TXLNA: variants seen among roughly 807,000 people sequenced by gnomAD.
TXLNA encodes alpha-taxilin.
TXLNA carries 9 observed loss-of-function variants against 61.4 expected under a neutral mutation model. The ratio of observed to expected loss-of-function variants is 0.15; its 90% CI spans 0.09 to 0.26. The LOEUF is 0.26. Ranked by LOEUF, TXLNA falls within the 10% of genes least tolerant of loss-of-function variation. The pLI is 1.00. For synonymous variants in TXLNA, 257 were observed against 267.7 expected, an observed-to-expected ratio of 0.96 and a Z score of 0.39; for missense variants, 565 against 688.8, an observed-to-expected ratio of 0.82 and a Z score of 2.01.
rs371704796 is a variant in TXLNA at position 32,181,525 on chromosome 1, C to T, written c.453C>T (p.Val151=). Residue 151 remains valine (V), a synonymous_variant, in exon 3 of 11, where the codon GTC becomes GTT. Coordinates refer to ENST00000373610, the MANE Select transcript of TXLNA (RefSeq NM_175852.4). ...NTEEIRQSDE[V]GDRDHRRPQE... is the part of the protein sequence containing the mutation. Reference sequence around the variant, plus strand: ...AAGAGATCCGGCAGAGTGACGAGGTCGGAGACCGAGACCATCGAAGGCCAC... The same window carrying T: ...AAGAGATCCGGCAGAGTGACGAGGTTGGAGACCGAGACCATCGAAGGCCAC... 1 of 1,590,458 alleles carries T rather than the reference C, an allele frequency of 6.3e-7. No individual in the cohort carries two copies. Among genetic ancestry groups the T allele is most frequent in the Admixed American group, 1.8e-5 (1 of 55,406 alleles).
At position 32,193,985 on chromosome 1, in the gene TXLNA, A is replaced by G. The variant is rs953373972; in HGVS notation, c.1252-80A>G. On this transcript the variant is annotated intron_variant, in intron 9 of 10. Transcript: ENST00000373610. ...CAATCATTCCCCACCTTGGAGACAC[A>G]GGTGCAGTCCCCACCTTGGAGACAC... The G allele has an allele frequency of 6.1e-6, 7 of 1,146,044 alleles. No homozygotes were observed. In the African/African-American group the frequency reaches 9.3e-5, roughly 15 times the overall value. 71.0% of individuals were successfully genotyped at this position (1,146,044 alleles called of 1,614,324 possible). A position where few individuals can be genotyped will look rare whatever the true frequency, so the allele number is the denominator to read the frequency against.
rs201914528 is a variant in TXLNA at position 32,195,032 on chromosome 1, A to G, written c.1478A>G (p.Gln493Arg). The G allele has an allele frequency of 1.9e-6, 3 of 1,614,178 alleles. No individual in the cohort carries two copies. In the African/African-American group the frequency reaches 4.0e-5, roughly 22 times the overall value. ...KRVQDLSAGG[Q>R]GSLTDSGPER... ...GTACAGGACCTGAGTGCTGGTGGCC[A>G]GGGCTCCCTCACTGACAGTGGCCCT... The change falls in exon 11 of 11, where the codon CAG becomes CGG. Residue 493 changes from glutamine to arginine, a missense_variant. Transcript: ENST00000373610.
rs758201855 is a variant in TXLNA, at chr1:32,181,539, A to G, written c.467A>G (p.His156Arg). The G allele has an allele frequency of 4.5e-6, 7 of 1,572,848 alleles. No homozygotes were observed. The highest frequency in any genetic ancestry group is 4.7e-5 in the East Asian group (2 of 42,952). Residue 156 changes from histidine (H) to arginine (R), a missense_variant, in exon 3 of 11, where the codon CAT (histidine) becomes CGT (arginine). This residue lies in a region of TXLNA where 373 missense variants were observed against 504.0 expected (regional missense o/e 0.74). Coordinates refer to ENST00000373610, the MANE Select transcript of TXLNA (RefSeq NM_175852.4). ...AGTGACGAGGTCGGAGACCGAGACCATCGAAGGCCACAGGAGAAGAAAAAA... is the reference window on the plus strand; with the variant it reads ...AGTGACGAGGTCGGAGACCGAGACCGTCGAAGGCCACAGGAGAAGAAAAAA... ...RQSDEVGDRD[H>R]RRPQEKKKAK...
intron 3 of TXLNA, among the ~76,000 whole-genome samples, chr1:32,182,377 T>G (rs1438171638): frequency 6.6e-6 from 1 of 152,010 alleles, no homozygotes; most frequent in Non-Finnish European, 1.5e-5. Flanking sequence ...TTTAAGAGTC[T>G]AGGCCGGGTG....
intron 3 of TXLNA, among the ~76,000 whole-genome samples, chr1:32,183,185 G>A (rs962412566): frequency 1.3e-5 from 2 of 151,438 alleles, no homozygotes; most frequent in African/African-American, 4.9e-5. Flanking sequence ...GTGCACTGGC[G>A]CGATCTCAGC....
chr1:32,183,152 C>A (rs1007168239), intron 3 of TXLNA, among the ~76,000 whole-genome samples: 5 of 151,852 alleles, frequency 3.3e-5, no homozygotes, highest in Admixed American at 1.3e-4. Context: ...GAGATGGAGT[C>A]TTGCTCTGTC....
At chr1:32,193,425 C>T (rs993431415) in intron 9 of TXLNA, 125 bp downstream of exon 9, 13 of 708,512 alleles carry the variant, frequency 1.8e-5, no homozygotes, top group Non-Finnish European at 2.5e-5. Context: ...GGAAGGTTCA[C>T]AGCCTTTCCC....
chr1:32,180,298 G>C lies in TXLNA; in HGVS notation c.-32-16G>C. On this transcript the variant is annotated splice_polypyrimidine_tract_variant and intron_variant, in intron 1 of 10. Transcript: ENST00000373610. ...TTTCGAAGTCTGGAAAATAGCAACT[G>C]TGTTTGTTTCTAAAGGATCTTCTCC... The C allele has an allele frequency of 6.5e-7, 1 of 1,549,610 alleles. No homozygotes were observed. Among genetic ancestry groups the C allele is most frequent in the African/African-American group, 1.4e-5 (1 of 72,212 alleles).
intron 4 of TXLNA, 105 bp from the exon 5 acceptor site, chr1:32,187,849 G>A: frequency 7.8e-7 from 1 of 1,283,954 alleles, no homozygotes. Flanking sequence ...TGGCCTGAGA[G>A]GGTAAGGGTC....
Position 32,197,971 on chromosome 1 carries a change from G to A in TXLNA, c.*2776G>A, listed in dbSNP as rs1569644024. 1.3e-5 allele frequency: 2 copies of A among 152,458 alleles called. No homozygotes were observed. Among genetic ancestry groups the A allele is most frequent in the East Asian group, 1.9e-4 (1 of 5,202 alleles). The allele number at this position is 152,458 out of a possible 1,614,324, so 9.4% of individuals were successfully genotyped here. ...CTGAGGGCTGACCCGGAGGCCAGTG[G>A]AGCTGCCTGGTGTCCACGGGGGAGG... is the stretch of plus-strand genomic sequence containing the variant. On this transcript the variant is annotated 3_prime_UTR_variant, in exon 11 of 11. Coordinates refer to ENST00000373610, the MANE Select transcript of TXLNA (RefSeq NM_175852.4). This position sits in a 1 kb window ranked among gnomAD's most constrained non-coding sequence, Gnocchi z 4.6.
chr1:32,182,098 CTTTTTT>C lies in TXLNA; in HGVS notation c.505+539_505+544del, dbSNP rs35693792. 5.0e-4 allele frequency among the ~76,000 whole-genome samples: 51 copies of C among 101,696 alleles called. No individual in the cohort carries two copies. In the East Asian group the frequency reaches 0.013, roughly 26 times the overall value. The allele number at this position is 101,696 out of a possible 152,430, so 66.7% of individuals were successfully genotyped here. On this transcript the variant is annotated intron_variant, in intron 3 of 10. Coordinates refer to ENST00000373610, the MANE Select transcript of TXLNA (RefSeq NM_175852.4). The stretch of plus-strand genomic sequence containing the variant: ...AAACTACAGGCTGGGTGCAGTCAGG[CTTTTTT>C]TTTTTTTTTTTTTTTTTAAATAAAG...
chr1:32,194,822 T>TA (rs1642981568), intron 10 of TXLNA, 80 bp from the exon 11 acceptor site: 4 of 1,504,258 alleles, frequency 2.7e-6, no homozygotes, highest in South Asian at 1.3e-5. Flanking sequence ...TCAGCCTTGT[T>TA]AAAGTGTTTG....
At position 32,192,548 on chromosome 1, in the gene TXLNA, G is replaced by A; in HGVS notation, c.1084-109G>A. 6.3e-7 allele frequency: 1 copy of A among 1,590,576 alleles called. No homozygotes were observed. On this transcript the variant is annotated intron_variant, in intron 7 of 10. Coordinates refer to ENST00000373610, the MANE Select transcript of TXLNA (RefSeq NM_175852.4). This position sits in a 1 kb window ranked among gnomAD's most constrained non-coding sequence, Gnocchi z 4.2. ...GCCAGACCAGGCACAGATTCCTTGA[G>A]TACCAGTCTGAGAGCAGGAAGCCTC...
chr1:32,196,756 A>G lies in TXLNA; in HGVS notation c.*1561A>G, dbSNP rs1326942367. On this transcript the variant is annotated 3_prime_UTR_variant, in exon 11 of 11. Coordinates refer to ENST00000373610, the MANE Select transcript of TXLNA (RefSeq NM_175852.4). ...AGTTCATTGTCCTGCAGGTCCCTTC[A>G]TCTTCCATACCTAGCCCACTCTTTT... The G allele has an allele frequency of 6.6e-6, 1 of 152,238 alleles. No individual in the cohort carries two copies. Among genetic ancestry groups the G allele is most frequent in the Non-Finnish European group, 1.5e-5 (1 of 68,064 alleles). The allele number at this position is 152,238 out of a possible 1,614,324, so 9.4% of individuals were successfully genotyped here. A position where few individuals can be genotyped will look rare whatever the true frequency, so the allele number is the denominator to read the frequency against.
rs1236037259 is a variant in TXLNA at position 32,192,628 on chromosome 1, C to T, written c.1084-29C>T. 21 of 1,613,590 alleles carry T rather than the reference C, an allele frequency of 1.3e-5. No homozygotes were observed. The highest frequency in any genetic ancestry group is 1.8e-5 in the Non-Finnish European group (21 of 1,179,622). ...AAACATAGCCCCTGGGGGCTTCTGA[C>T]AGGATCTGGGGTTCTGTCTTGGAAA... On this transcript the variant is annotated intron_variant, in intron 7 of 10. Transcript: ENST00000373610. This position sits in a 1 kb window ranked among gnomAD's most constrained non-coding sequence, Gnocchi z 4.2.
chr1:32,195,285 T>C lies in TXLNA; in HGVS notation c.*90T>C. 7.0e-7 allele frequency: 1 copy of C among 1,419,310 alleles called. No homozygotes were observed. The highest frequency in any genetic ancestry group is 9.4e-7 in the Non-Finnish European group (1 of 1,063,186). The allele number at this position is 1,419,310 out of a possible 1,614,324, so 87.9% of individuals were successfully genotyped here. On this transcript the variant is annotated 3_prime_UTR_variant, in exon 11 of 11. Transcript: ENST00000373610. ...GCTCCCATGCTGAGCAGCCCATTGC[T>C]GAAGCCAGGATGTTCTGACCTGGCT... is the stretch of plus-strand genomic sequence containing the variant.
At chr1:32,187,896 C>T (rs1642820522) in intron 4 of TXLNA, 58 bp from the exon 5 acceptor site, 1 of 1,571,548 alleles carries the variant, frequency 6.4e-7, no homozygotes, top group Non-Finnish European at 8.7e-7. Flanking sequence ...GCATAGTGAT[C>T]CCCCCACCAG....
At position 32,197,761 on chromosome 1, in the gene TXLNA, T is replaced by TTGTCCAGCTGAGAGCTTCA. The variant is rs1295180176; in HGVS notation, c.*2573_*2591dup. 1 of 152,232 alleles carries TTGTCCAGCTGAGAGCTTCA rather than the reference T, an allele frequency of 6.6e-6. No individual in the cohort carries two copies. Among genetic ancestry groups the TTGTCCAGCTGAGAGCTTCA allele is most frequent in the African/African-American group, 2.4e-5 (1 of 41,462 alleles). The allele number at this position is 152,232 out of a possible 1,614,324, so 9.4% of individuals were successfully genotyped here. On this transcript the variant is annotated 3_prime_UTR_variant, in exon 11 of 11. Coordinates refer to ENST00000373610, the MANE Select transcript of TXLNA (RefSeq NM_175852.4). The surrounding 1 kb of genome is among the most constrained non-coding windows in gnomAD (Gnocchi z 4.6). ...CTAATAGTAAATTGTTTTCAGGGCCTTGTCCAGCTGAGAGCTTCATGTCCA... is the reference window on the plus strand; with the variant it reads ...CTAATAGTAAATTGTTTTCAGGGCCTTGTCCAGCTGAGAGCTTCATGTCCAGCTGAGAGCTTCATGTCCA...
intron 1 of TXLNA, chr1:32,180,059 C>G: frequency 3.7e-6 from 1 of 270,036 alleles, no homozygotes; most frequent in Non-Finnish European, 7.0e-6. Flanking sequence ...CGCGAGGGGG[C>G]CGGTTGTGCC....
Sources: gnomAD v4.1 joint callset for allele counts (sites outside exome capture counted in the v4.1 genomes callset) on GRCh38, gnomAD v4.1.1 for gene constraint, gnomAD v4.1.1 regional missense constraint, Gnocchi (gnomAD v3.1) non-coding constraint, MANE v1.5 for transcripts, NCBI Gene and HGNC (gene_info 2026-07-23, HGNC 2026-07-21) for gene names.